The following SPAG16 variants were observed in gnomAD, a reference collection of about 807,000 sequenced individuals.
SPAG16 encodes sperm associated antigen 16, also known as sperm-associated antigen 16 protein.
In SPAG16, 86 loss-of-function variants were observed where a neutral mutation model predicts 80.4. That is an observed-to-expected ratio of 1.07 (90% CI 0.90 to 1.28). SPAG16 has a LOEUF of 1.28. Ranked by LOEUF, SPAG16 falls within the 50% of genes most tolerant of loss-of-function variation. The probability of loss-of-function intolerance (pLI) is 0.00; values close to 1 mark genes in which losing one functional copy is unlikely to be tolerated. For missense variants in SPAG16, 870 were observed against 765.3 expected (o/e 1.14, Z -1.61); for synonymous variants, 294 against 265.9 (o/e 1.11, Z -1.03).
chr2:213,809,886 A>G (rs1037444329), intron 10 of SPAG16, among the ~76,000 whole-genome samples: 1 of 152,092 alleles, frequency 6.6e-6, no homozygotes, highest in Admixed American at 6.6e-5. Context: ...TTATATTTGG[A>G]ATTTTTCTAG....
chr2:213,908,091 A>G (rs1477482867), intron 11 of SPAG16, among the ~76,000 whole-genome samples: 1 of 152,160 alleles, frequency 6.6e-6, no homozygotes, highest in Non-Finnish European at 1.5e-5. Flanking sequence ...CTTACTGTAT[A>G]CTTATATATT....
chr2:213,446,620 C>T (rs2071334072), intron 9 of SPAG16, among the ~76,000 whole-genome samples: 1 of 152,208 alleles, frequency 6.6e-6, no homozygotes, highest in African/African-American at 2.4e-5. Flanking sequence ...AGTTTCCCCT[C>T]AAACTGATTT....
chr2:213,962,379 G>A (rs2044487150), intron 12 of SPAG16, among the ~76,000 whole-genome samples: 1 of 152,018 alleles, frequency 6.6e-6, no homozygotes, highest in Non-Finnish European at 1.5e-5. Flanking sequence ...ATTTTTAGTA[G>A]AGATGGGGTT....
rs11674674 is a variant in SPAG16, at chr2:213,350,803, T to G, written c.762+158T>G. On this transcript the variant is annotated intron_variant, in intron 7 of 15. Transcript: ENST00000331683. ...ATTTGGAAACATTCAGAAAAAGTAT[T>G]TCTCCATTTAACTACCTATAAAGAT... 0.26 allele frequency among the ~76,000 whole-genome samples: 40,066 copies of G among 152,092 alleles called. 6,114 individuals are homozygous for G. The highest frequency in any genetic ancestry group is 0.45 in the Middle Eastern group (133 of 294).
At chr2:213,840,129 A>G (rs1455660789) in intron 10 of SPAG16, among the ~76,000 whole-genome samples, 1 of 152,156 alleles carries the variant, frequency 6.6e-6, no homozygotes, top group Non-Finnish European at 1.5e-5. Flanking sequence ...ATCTTTTCAT[A>G]CTTGGAAATT....
intron 10 of SPAG16, among the ~76,000 whole-genome samples, chr2:213,859,891 C>T (rs937241503): frequency 2.6e-5 from 4 of 152,200 alleles, no homozygotes; most frequent in South Asian, 2.1e-4. Flanking sequence ...ATATGAACCC[C>T]AGCTCTTTTG....
At chr2:214,250,836 C>T (rs887035722) in intron 15 of SPAG16, among the ~76,000 whole-genome samples, 5 of 146,240 alleles carry the variant, frequency 3.4e-5, no homozygotes, top group Admixed American at 1.4e-4. Flanking sequence ...AAACCAGAAG[C>T]ACTTTTGTTA....
intron 9 of SPAG16, among the ~76,000 whole-genome samples, chr2:213,433,107 A>G (rs1357534537): frequency 2.0e-5 from 3 of 152,186 alleles, no homozygotes; most frequent in African/African-American, 4.8e-5. Context: ...CATATCTTCT[A>G]TAATAATAAA....
chr2:214,337,825 C>A (rs944227121), intron 15 of SPAG16, among the ~76,000 whole-genome samples: 3 of 152,188 alleles, frequency 2.0e-5, no homozygotes, highest in African/African-American at 4.8e-5. Context: ...CTTTTATCTT[C>A]TTTTTTTAGG....
At chr2:214,333,695 C>G (rs1349304183) in intron 15 of SPAG16, among the ~76,000 whole-genome samples, 1 of 152,184 alleles carries the variant, frequency 6.6e-6, no homozygotes, top group Admixed American at 6.5e-5. Context: ...CTGCCATCCC[C>G]ACACTGAGAC....
At chr2:213,893,254 G>C (rs568438824) in intron 11 of SPAG16, among the ~76,000 whole-genome samples, 6 of 151,932 alleles carry the variant, frequency 3.9e-5, no homozygotes, top group Admixed American at 1.3e-4. Flanking sequence ...TTCTTTCCCA[G>C]ACAAACAAGA....
intron 12 of SPAG16, among the ~76,000 whole-genome samples, chr2:213,956,742 C>T (rs528930327): frequency 1.2e-4 from 18 of 152,168 alleles, no homozygotes; most frequent in Admixed American, 3.3e-4. Context: ...TGAGCCACCA[C>T]GCCTGGACTT....
At chr2:214,214,536 G>A (rs963502745) in intron 15 of SPAG16, among the ~76,000 whole-genome samples, 6 of 151,830 alleles carry the variant, frequency 4.0e-5, no homozygotes, top group African/African-American at 1.2e-4. Flanking sequence ...AGGCCTGTAG[G>A]TTTGTCTCCT....
intron 4 of SPAG16, among the ~76,000 whole-genome samples, chr2:213,311,471 T>A (rs2063183832): frequency 6.6e-6 from 1 of 151,694 alleles, no homozygotes; most frequent in South Asian, 2.1e-4. Flanking sequence ...AACAATTCGG[T>A]GACTATTGTC....
At chr2:214,184,140 C>G (rs1386387791) in intron 15 of SPAG16, among the ~76,000 whole-genome samples, 1 of 152,000 alleles carries the variant, frequency 6.6e-6, no homozygotes, top group African/African-American at 2.4e-5. Flanking sequence ...TGCTTATAGT[C>G]TGATATTTTT....
intron 15 of SPAG16, among the ~76,000 whole-genome samples, chr2:214,386,357 C>T (rs547918655): frequency 6.6e-6 from 1 of 152,058 alleles, no homozygotes; most frequent in African/African-American, 2.4e-5. Flanking sequence ...CAAGATCACA[C>T]CACTGTACTC....
chr2:214,379,793 C>T (rs983263877), intron 15 of SPAG16, among the ~76,000 whole-genome samples: 5 of 151,878 alleles, frequency 3.3e-5, no homozygotes, highest in African/African-American at 1.2e-4. Flanking sequence ...GCCAGGTGGG[C>T]ATACTAACCA....
At chr2:214,193,622 T>C (rs978324669) in intron 15 of SPAG16, among the ~76,000 whole-genome samples, 2 of 152,020 alleles carry the variant, frequency 1.3e-5, no homozygotes, top group Non-Finnish European at 2.9e-5. Context: ...CTGCAACGTC[T>C]GTCATGGGTA....
chr2:213,685,511 A>G (rs1176635562), intron 10 of SPAG16, among the ~76,000 whole-genome samples: 1 of 152,242 alleles, frequency 6.6e-6, no homozygotes, highest in East Asian at 1.9e-4. Flanking sequence ...GAAGTGTGGC[A>G]CAATAAATTT....
Sources: allele counts gnomAD v4.1 joint callset (sites outside exome capture counted in the v4.1 genomes callset), GRCh38; gene constraint gnomAD v4.1.1; transcripts MANE v1.5; gene names NCBI Gene and HGNC (gene_info 2026-07-23, HGNC 2026-07-21).